Variants in DDX10 observed in about 807,000 individuals in gnomAD.
The protein encoded by DDX10 is DEAD-box helicase 10.
Under a neutral mutation model 104.3 loss-of-function variants are expected in DDX10, and 74 were observed. The ratio of observed to expected loss-of-function variants is 0.71; its 90% CI spans 0.59 to 0.86. DDX10 has a LOEUF of 0.86. DDX10 is among the 40% of genes least tolerant of loss of function. The pLI, the probability that DDX10 is intolerant of heterozygous loss-of-function variation, is 0.00. For synonymous variants in DDX10, 351 were observed against 353.4 expected (o/e 0.99, Z 0.08); for missense variants, 952 against 1,040.0 (o/e 0.92, Z 1.16).
At chr11:108,777,548 C>T (rs1223769939) in intron 13 of DDX10, among the ~76,000 whole-genome samples, 2 of 152,130 alleles carry the variant, frequency 1.3e-5, no homozygotes, top group Admixed American at 1.3e-4. Flanking sequence ...GTCTCGAACT[C>T]CTGACTTCAG....
chr11:108,776,046 C>T (rs1355003762), intron 13 of DDX10, among the ~76,000 whole-genome samples: 2 of 152,096 alleles, frequency 1.3e-5, no homozygotes, highest in South Asian at 2.1e-4. Context: ...TTTAGCTGTT[C>T]ACTTGTATAT....
intron 17 of DDX10, among the ~76,000 whole-genome samples, chr11:108,934,604 AT>A (rs972905255): frequency 2.0e-5 from 3 of 152,220 alleles, no homozygotes; most frequent in Non-Finnish European, 2.9e-5. Flanking sequence ...GGAAGGTACA[AT>A]CAGGGAGGTT....
chr11:108,793,326 A>G (rs899951261), intron 13 of DDX10, among the ~76,000 whole-genome samples: 2 of 152,200 alleles, frequency 1.3e-5, no homozygotes, highest in East Asian at 1.9e-4. Flanking sequence ...GTAGATTTCA[A>G]TGAGACCAGA....
chr11:108,862,937 GA>G (rs1862959867), intron 16 of DDX10, among the ~76,000 whole-genome samples: 1 of 152,174 alleles, frequency 6.6e-6, no homozygotes, highest in Admixed American at 6.5e-5. Context: ...AATTGAAATA[GA>G]TGAATAGTAA....
At chr11:108,873,500 T>A (rs1343200871) in intron 16 of DDX10, among the ~76,000 whole-genome samples, 1 of 152,166 alleles carries the variant, frequency 6.6e-6, no homozygotes, top group Non-Finnish European at 1.5e-5. Flanking sequence ...TGTTTTCCCC[T>A]CCTAATCTGT....
intron 16 of DDX10, among the ~76,000 whole-genome samples, chr11:108,905,984 G>A (rs1705173050): frequency 6.6e-6 from 1 of 152,150 alleles, no homozygotes; most frequent in Admixed American, 6.5e-5. Context: ...TGTGATATCC[G>A]ATTACCTCCC....
At chr11:108,920,653 T>A (rs1863811603) in intron 17 of DDX10, 1 of 152,198 alleles carries the variant, frequency 6.6e-6, no homozygotes, top group Non-Finnish European at 1.5e-5. Flanking sequence ...TTCTAGAATC[T>A]CAGTTAGGTT....
chr11:108,708,980 G>C (rs916299552), intron 10 of DDX10, among the ~76,000 whole-genome samples: 3 of 152,144 alleles, frequency 2.0e-5, no homozygotes, highest in African/African-American at 7.2e-5. Context: ...TATTAGTCTA[G>C]AAGTTTCTTT....
At chr11:108,910,406 A>T (rs1205660157) in intron 16 of DDX10, among the ~76,000 whole-genome samples, 1 of 152,218 alleles carries the variant, frequency 6.6e-6, no homozygotes, top group South Asian at 2.1e-4. Context: ...CAAGTAAGAT[A>T]ATCTATGTTA....
intron 13 of DDX10, among the ~76,000 whole-genome samples, chr11:108,765,386 A>G (rs1279522332): frequency 2.0e-5 from 3 of 152,180 alleles, no homozygotes; most frequent in Non-Finnish European, 4.4e-5. Flanking sequence ...AGTTTCACAT[A>G]CTGTAGTAGT....
chr11:108,697,331 G>T (rs747196471), intron 9 of DDX10, among the ~76,000 whole-genome samples: 2 of 151,158 alleles, frequency 1.3e-5, no homozygotes, highest in African/African-American at 4.9e-5. Flanking sequence ...TTGAATAAAG[G>T]CTAAATTAAA....
chr11:108,699,376 A>G (rs1384785598), intron 9 of DDX10, among the ~76,000 whole-genome samples: 6 of 152,162 alleles, frequency 3.9e-5, no homozygotes, highest in East Asian at 1.9e-4. Flanking sequence ...GTCTATCACA[A>G]GGCTGTAATG....
At chr11:108,779,663 TAAAATAAA>T (rs1260107369) in intron 13 of DDX10, among the ~76,000 whole-genome samples, 1 of 151,848 alleles carries the variant, frequency 6.6e-6, no homozygotes, top group Non-Finnish European at 1.5e-5. Flanking sequence ...GAACTTAAAG[TAAAATAAA>T]AAAATAAAAA....
intron 6 of DDX10, among the ~76,000 whole-genome samples, chr11:108,686,526 T>C (rs976603821): frequency 6.6e-6 from 1 of 152,210 alleles, no homozygotes; most frequent in African/African-American, 2.4e-5. Flanking sequence ...CACTTAATAT[T>C]ACGCATTTAA....
chr11:108,849,070 C>G (rs1424575611), intron 15 of DDX10, among the ~76,000 whole-genome samples: 1 of 151,980 alleles, frequency 6.6e-6, no homozygotes, highest in Non-Finnish European at 1.5e-5. Context: ...GTCGTTCAAG[C>G]AAAACTCTGT....
At chr11:108,888,119 T>C (rs1863325422) in intron 16 of DDX10, among the ~76,000 whole-genome samples, 2 of 152,138 alleles carry the variant, frequency 1.3e-5, no homozygotes, top group Admixed American at 1.3e-4. Flanking sequence ...AGTCACTTCA[T>C]AGACAAGTCT....
intron 16 of DDX10, among the ~76,000 whole-genome samples, chr11:108,860,241 A>G (rs1862923158): frequency 1.3e-5 from 2 of 152,238 alleles, no homozygotes. Context: ...ATATATTATC[A>G]TAGCTTAAAA....
chr11:108,745,037 T>TTCCC (rs2094329620), intron 13 of DDX10, among the ~76,000 whole-genome samples: 1 of 54,932 alleles, frequency 1.8e-5, no homozygotes, highest in African/African-American at 7.8e-5. Context: ...AATTACTTTT[T>TTCCC]CCTTCCCCCT....
At chr11:108,711,851 A>G (rs2094284893) in intron 10 of DDX10, among the ~76,000 whole-genome samples, 2 of 152,208 alleles carry the variant, frequency 1.3e-5, no homozygotes, top group South Asian at 2.1e-4. Flanking sequence ...GAGTTCAACT[A>G]TGTTCTTACT....
Sources: allele counts gnomAD v4.1 joint callset (sites outside exome capture counted in the v4.1 genomes callset), GRCh38; gene constraint gnomAD v4.1.1; transcripts MANE v1.5; gene names NCBI Gene and HGNC (gene_info 2026-07-23, HGNC 2026-07-21).